Variants in PDE7B observed in about 807,000 individuals in gnomAD.
PDE7B encodes the protein phosphodiesterase 7B.
Under a neutral mutation model 56.2 loss-of-function variants are expected in PDE7B, and 29 were observed. The observed-to-expected ratio is 0.52, with a 90% CI of 0.38 to 0.70. The LOEUF (loss-of-function observed/expected upper bound fraction) is 0.70, where lower values mean the gene tolerates loss of function less well. Among genes scored for constraint, PDE7B ranks in the 30% least tolerant of loss-of-function variants. The pLI is 0.00. For missense variants in PDE7B, 490 were observed against 565.0 expected, an observed-to-expected ratio of 0.87 and a Z score of 1.35; for synonymous variants, 197 against 196.9, an observed-to-expected ratio of 1.00 and a Z score of 0.00.
intron 1 of PDE7B, among the ~76,000 whole-genome samples, chr6:135,926,143 G>A (rs1053397195): frequency 6.9e-6 from 1 of 145,344 alleles, no homozygotes; most frequent in Non-Finnish European, 1.5e-5. Flanking sequence ...CTGCAGTGCA[G>A]TGGCGCAATC....
intron 8 of PDE7B, among the ~76,000 whole-genome samples, chr6:136,170,723 C>G (rs565287743): frequency 1.3e-5 from 2 of 152,074 alleles, no homozygotes; most frequent in African/African-American, 2.4e-5. Flanking sequence ...TTCTTACTAG[C>G]GGAAACTCTG....
intron 2 of PDE7B, among the ~76,000 whole-genome samples, chr6:135,974,006 A>G (rs1775140869): frequency 6.6e-6 from 1 of 152,184 alleles, no homozygotes; most frequent in South Asian, 2.1e-4. Context: ...TTCAGACTTT[A>G]TAAACTGAAG....
chr6:136,087,439 A>G, intron 2 of PDE7B, among the ~76,000 whole-genome samples: 1 of 152,306 alleles, frequency 6.6e-6, no homozygotes, highest in Middle Eastern at 3.4e-3. Context: ...GAAAGAAAAA[A>G]AAAGTTGTTC....
chr6:136,096,585 T>C (rs1777474561), intron 2 of PDE7B, among the ~76,000 whole-genome samples: 1 of 150,710 alleles, frequency 6.6e-6, no homozygotes, highest in South Asian at 2.1e-4. Context: ...TTTGCAAAAA[T>C]TTACAGGTAT....
At chr6:135,865,009 C>A (rs1363970424) in intron 1 of PDE7B, among the ~76,000 whole-genome samples, 2 of 140,190 alleles carry the variant, frequency 1.4e-5, no homozygotes, top group Admixed American at 8.1e-5. Context: ...TCTCATTGTT[C>A]AATTCCCACC....
intron 3 of PDE7B, among the ~76,000 whole-genome samples, chr6:136,135,859 G>A (rs570279395): frequency 2.0e-4 from 30 of 152,150 alleles, no homozygotes; most frequent in African/African-American, 7.2e-4. Context: ...AGGGAGCACT[G>A]GTCTCATCCA....
intron 2 of PDE7B, among the ~76,000 whole-genome samples, chr6:136,046,011 A>T (rs998366135): frequency 6.6e-6 from 1 of 152,038 alleles, no homozygotes; most frequent in Admixed American, 6.6e-5. Context: ...CATTTCACAC[A>T]AATCTATAAA....
At chr6:136,151,343 A>T (rs749582322) in intron 6 of PDE7B, 88 bp downstream of exon 6, 1 of 695,918 alleles carries the variant, frequency 1.4e-6, no homozygotes, top group Non-Finnish European at 2.6e-6. Flanking sequence ...TAAGATCCAT[A>T]GGATGATAGA....
intron 2 of PDE7B, among the ~76,000 whole-genome samples, chr6:136,079,125 G>A (rs894916382): frequency 2.6e-5 from 4 of 152,080 alleles, no homozygotes; most frequent in African/African-American, 9.7e-5. Context: ...CTGGGTGTAA[G>A]CCCATTGTAA....
chr6:136,182,276 T>C (rs1779078507), intron 11 of PDE7B, among the ~76,000 whole-genome samples: 1 of 152,300 alleles, frequency 6.6e-6, no homozygotes, highest in South Asian at 2.1e-4. Context: ...AAAGTGCTCA[T>C]GTAACTCCTA....
At chr6:136,049,145 C>A in intron 2 of PDE7B, 1 of 152,822 alleles carries the variant, frequency 6.5e-6, no homozygotes, top group Non-Finnish European at 1.5e-5. Context: ...CTCTGTCACC[C>A]AGGCTGGAGT....
chr6:136,148,972 T>A lies in PDE7B; in HGVS notation c.319-115T>A, dbSNP rs528931044. 86 of 714,082 alleles carry A rather than the reference T, an allele frequency of 1.2e-4. No individual in the cohort carries two copies. In the East Asian group the frequency reaches 1.8e-3, roughly 15 times the overall value. The allele number at this position is 714,082 out of a possible 1,614,324, so 44.2% of individuals were successfully genotyped here. ...AGGGAAACCATTCATTTGCACTAGA[T>A]GGTAGTATGCTAGGATTTTCAACTT... On this transcript the variant is annotated intron_variant, in intron 4 of 12. Transcript: ENST00000308191.
chr6:135,949,463 T>G (rs1391734142), intron 2 of PDE7B, among the ~76,000 whole-genome samples: 1 of 152,102 alleles, frequency 6.6e-6, no homozygotes, highest in Non-Finnish European at 1.5e-5. Context: ...TCTGCCAGAT[T>G]GCACAAAATT....
At chr6:135,963,452 A>T (rs968271634) in intron 2 of PDE7B, among the ~76,000 whole-genome samples, 2 of 152,156 alleles carry the variant, frequency 1.3e-5, no homozygotes, top group Non-Finnish European at 2.9e-5. Flanking sequence ...GAGTGTCCTA[A>T]TGTCTGCCTC....
At chr6:136,147,163 TA>T (rs35202440) in intron 3 of PDE7B, among the ~76,000 whole-genome samples, 187 bp from the exon 4 acceptor site, 37 of 149,142 alleles carry the variant, frequency 2.5e-4, no homozygotes, top group African/African-American at 7.4e-4. Flanking sequence ...AAGTAAAAAT[TA>T]AAAAAAAAAC....
intron 2 of PDE7B, among the ~76,000 whole-genome samples, chr6:136,058,275 C>G (rs1481512691): frequency 1.3e-5 from 2 of 152,150 alleles, no homozygotes; most frequent in Admixed American, 1.3e-4. Flanking sequence ...TCAAGAAAAA[C>G]CATTAGATAT....
chr6:136,024,857 G>T (rs776175283), intron 2 of PDE7B, among the ~76,000 whole-genome samples: 1 of 152,186 alleles, frequency 6.6e-6, no homozygotes, highest in African/African-American at 2.4e-5. Context: ...GAAGTGGGAG[G>T]TTTGACCAAC....
intron 2 of PDE7B, among the ~76,000 whole-genome samples, chr6:136,016,388 G>T (rs1435829533): frequency 6.6e-6 from 1 of 152,148 alleles, no homozygotes; most frequent in Admixed American, 6.6e-5. Flanking sequence ...ACTAGTAAGG[G>T]CACAAAGCCA....
intron 1 of PDE7B, among the ~76,000 whole-genome samples, chr6:135,935,172 T>TTATATATATATTTA (rs1774391935): frequency 2.0e-5 from 1 of 51,160 alleles, no homozygotes; most frequent in Non-Finnish European, 3.2e-5. Flanking sequence ...ACAGAGAATT[T>TTATATATATATTTA]TATATATATA....
Sources: allele counts gnomAD v4.1 joint callset (sites outside exome capture counted in the v4.1 genomes callset), GRCh38; gene constraint gnomAD v4.1.1; transcripts MANE v1.5; gene names NCBI Gene and HGNC (gene_info 2026-07-23, HGNC 2026-07-21).